KCNAB1: variants seen among roughly 807,000 people sequenced by gnomAD.
KCNAB1 encodes the protein voltage-gated potassium channel subunit beta-1.
A neutral mutation model predicts 64.6 loss-of-function variants in KCNAB1; 35 were observed. That is an observed-to-expected ratio of 0.54 (90% CI 0.41 to 0.72). KCNAB1 has a LOEUF of 0.72. Among genes scored for constraint, KCNAB1 ranks in the 30% least tolerant of loss-of-function variants. The probability of loss-of-function intolerance (pLI) is 0.00; values close to 1 mark genes in which losing one functional copy is unlikely to be tolerated. For missense variants in KCNAB1, 401 were observed against 512.9 expected (o/e 0.78, Z 2.11); for synonymous variants, 177 against 183.8 (o/e 0.96, Z 0.30).
chr3:156,445,049 C>T (rs1400321624), intron 2 of KCNAB1, among the ~76,000 whole-genome samples: 1 of 152,274 alleles, frequency 6.6e-6, no homozygotes, highest in South Asian at 2.1e-4. Context: ...TGTAATACCA[C>T]CACTTTGGGA....
chr3:156,398,671 A>G (rs933409592), intron 1 of KCNAB1, among the ~76,000 whole-genome samples: 7 of 151,694 alleles, frequency 4.6e-5, no homozygotes, highest in Non-Finnish European at 8.8e-5. Context: ...GTAACAGTGT[A>G]TACCTATGTA....
At chr3:156,350,385 C>CA (rs1410763868) in intron 1 of KCNAB1, among the ~76,000 whole-genome samples, 4 of 150,620 alleles carry the variant, frequency 2.7e-5, no homozygotes, top group African/African-American at 4.9e-5. Flanking sequence ...CCCATCTCTA[C>CA]AAAAAATAAA....
At chr3:156,238,290 T>C (rs1231432001) in intron 1 of KCNAB1, among the ~76,000 whole-genome samples, 1 of 151,770 alleles carries the variant, frequency 6.6e-6, no homozygotes, top group Non-Finnish European at 1.5e-5. Flanking sequence ...GCCATGGTGG[T>C]GGGCGCCTGT....
At chr3:156,312,774 AATTCTGCT>A (rs963267291) in intron 1 of KCNAB1, among the ~76,000 whole-genome samples, 3 of 151,216 alleles carry the variant, frequency 2.0e-5, no homozygotes, top group Non-Finnish European at 4.4e-5. Flanking sequence ...CGAGTGGTCA[AATTCTGCT>A]ATAAAGAAAA....
intron 1 of KCNAB1, among the ~76,000 whole-genome samples, chr3:156,247,658 G>A (rs950686949): frequency 1.3e-5 from 2 of 152,202 alleles, no homozygotes; most frequent in Non-Finnish European, 2.9e-5. Flanking sequence ...GACCTCCTGG[G>A]TTCAGGTGAT....
intron 13 of KCNAB1, 133 bp from the exon 14 acceptor site, chr3:156,536,525 G>A (rs1174574326): frequency 1.5e-6 from 1 of 684,078 alleles, no homozygotes. Flanking sequence ...GGTGTTGGGG[G>A]CGGGGGGCTT....
At chr3:156,421,140 T>G (rs1715440109) in intron 1 of KCNAB1, among the ~76,000 whole-genome samples, 1 of 152,150 alleles carries the variant, frequency 6.6e-6, no homozygotes. Context: ...AAAATATTTA[T>G]TAAGGCTCTA....
intron 1 of KCNAB1, among the ~76,000 whole-genome samples, chr3:156,201,026 C>G (rs1025404422): frequency 1.3e-5 from 2 of 152,182 alleles, no homozygotes; most frequent in Non-Finnish European, 2.9e-5. Flanking sequence ...GTATCTGGGC[C>G]AGATAGCACA....
intron 1 of KCNAB1, among the ~76,000 whole-genome samples, chr3:156,131,684 G>C (rs1714005416): frequency 6.6e-6 from 1 of 152,222 alleles, no homozygotes; most frequent in South Asian, 2.1e-4. Flanking sequence ...GCAGATGTGG[G>C]AGGATTACTT....
intron 1 of KCNAB1, among the ~76,000 whole-genome samples, chr3:156,211,507 A>C (rs1402705254): frequency 6.6e-6 from 1 of 152,212 alleles, no homozygotes; most frequent in Non-Finnish European, 1.5e-5. Context: ...CTAAATTCTA[A>C]AATCAATCTC....
chr3:156,318,960 T>C (rs1198191708), intron 1 of KCNAB1, among the ~76,000 whole-genome samples: 1 of 152,248 alleles, frequency 6.6e-6, no homozygotes, highest in Non-Finnish European at 1.5e-5. Context: ...CTAACCTTCA[T>C]CTTTAAATTT....
chr3:156,145,280 T>C (rs1047997105), intron 1 of KCNAB1, among the ~76,000 whole-genome samples: 2 of 152,218 alleles, frequency 1.3e-5, no homozygotes, highest in Non-Finnish European at 2.9e-5. Flanking sequence ...GCCAAGGCTC[T>C]AAATTATGAT....
At chr3:156,157,274 A>T (rs968309108) in intron 1 of KCNAB1, among the ~76,000 whole-genome samples, 1 of 152,198 alleles carries the variant, frequency 6.6e-6, no homozygotes, top group Non-Finnish European at 1.5e-5. Flanking sequence ...CTCCTACTTA[A>T]CAGAACTCTG....
At chr3:156,164,944 T>G (rs1361054543) in intron 1 of KCNAB1, among the ~76,000 whole-genome samples, 1 of 152,148 alleles carries the variant, frequency 6.6e-6, no homozygotes, top group Non-Finnish European at 1.5e-5. Flanking sequence ...TTACTGGGGA[T>G]GATGTCTAAA....
chr3:156,194,220 G>GT (rs201041627), intron 1 of KCNAB1, among the ~76,000 whole-genome samples: 285 of 146,784 alleles, frequency 1.9e-3, no homozygotes, highest in African/African-American at 6.1e-3. Flanking sequence ...TCCATTTGTT[G>GT]TTTTTTTTTT....
At chr3:156,304,992 T>C (rs1183693550) in intron 1 of KCNAB1, among the ~76,000 whole-genome samples, 3 of 151,950 alleles carry the variant, frequency 2.0e-5, no homozygotes, top group Admixed American at 2.0e-4. Context: ...ATACATGAGG[T>C]CATAGGGGTG....
chr3:156,465,525 TCC>T lies in KCNAB1; in HGVS notation c.528-117_528-116del. On this transcript the variant is annotated intron_variant, in intron 6 of 13. Coordinates refer to ENST00000490337, the MANE Select transcript of KCNAB1 (RefSeq NM_172160.3). ...ACCAGACTTCTCTCCTTAGCCTCCC[TCC>T]AGTGGTGTAGAATTTGATAAGAACA... The T allele has an allele frequency of 3.6e-6, 3 of 825,542 alleles. No homozygotes were observed. In the South Asian group the frequency reaches 4.5e-5, roughly 12 times the overall value. The allele number at this position is 825,542 out of a possible 1,614,324, so 51.1% of individuals were successfully genotyped here. A position where few individuals can be genotyped will look rare whatever the true frequency, so the allele number is the denominator to read the frequency against.
At chr3:156,518,889 C>G (rs1379637374) in intron 11 of KCNAB1, among the ~76,000 whole-genome samples, 2 of 152,020 alleles carry the variant, frequency 1.3e-5, no homozygotes, top group Non-Finnish European at 2.9e-5. Context: ...GGGCATCAGT[C>G]ATGCCTAATG....
At chr3:156,336,208 C>A (rs1723699485) in intron 1 of KCNAB1, among the ~76,000 whole-genome samples, 2 of 151,952 alleles carry the variant, frequency 1.3e-5, no homozygotes, top group South Asian at 4.2e-4. Context: ...AAAAATACAA[C>A]AAATTTAGCC....
Sources: gnomAD v4.1 joint callset for allele counts (sites outside exome capture counted in the v4.1 genomes callset) on GRCh38, gnomAD v4.1.1 for gene constraint, MANE v1.5 for transcripts, NCBI Gene and HGNC (gene_info 2026-07-23, HGNC 2026-07-21) for gene names.